The following HGF variants were observed in gnomAD, a reference collection of about 807,000 sequenced individuals.
HGF encodes the protein hepatocyte growth factor.
In HGF, 39 loss-of-function variants were observed where a neutral mutation model predicts 111.6. That is an observed-to-expected ratio of 0.35 (90% CI 0.27 to 0.46). The LOEUF is 0.46. Ranked by LOEUF, HGF falls within the 20% of genes least tolerant of loss-of-function variation. The pLI is 1.00. For synonymous variants in HGF, 285 were observed against 294.8 expected, an observed-to-expected ratio of 0.97 and a Z score of 0.34; for missense variants, 735 against 910.5, an observed-to-expected ratio of 0.81 and a Z score of 2.48.
intron 9 of HGF, among the ~76,000 whole-genome samples, chr7:81,721,798 G>C (rs1789871209): frequency 6.6e-6 from 1 of 152,166 alleles, no homozygotes; most frequent in Non-Finnish European, 1.5e-5. Flanking sequence ...TGGTGCAAAG[G>C]AAAAACTCCT....
At position 81,722,205 on chromosome 7, in the gene HGF, C is replaced by G. The variant is rs369948592; in HGVS notation, c.1169-1358G>C. On this transcript the variant is annotated intron_variant, in intron 9 of 17. Coordinates refer to ENST00000222390, the MANE Select transcript of HGF (RefSeq NM_000601.6). The stretch of plus-strand genomic sequence containing the variant: ...CAATGGAAGCCACTTTAAACTGACT[C>G]CTGGGTCTCTTACTATGCTCCATGA... 8.6e-5 allele frequency among the ~76,000 whole-genome samples: 13 copies of G among 151,972 alleles called. 1 individual carries two copies. The East Asian group carries it at 1.6e-3, about 18-fold the overall frequency.
At chr7:81,726,288 A>G (rs150267117) in intron 8 of HGF, among the ~76,000 whole-genome samples, 1 of 152,244 alleles carries the variant, frequency 6.6e-6, no homozygotes, top group Admixed American at 6.5e-5. Context: ...AAAGAGAGAA[A>G]CGGTACCGCT....
At chr7:81,713,463 T>A (rs868278547) in intron 11 of HGF, among the ~76,000 whole-genome samples, 4 of 151,948 alleles carry the variant, frequency 2.6e-5, no homozygotes, top group Middle Eastern at 3.4e-3. Flanking sequence ...GAGGCAGAGT[T>A]TGCAGTGAGC....
rs779675824 is a variant in HGF at position 81,755,945 on chromosome 7, T to C, written c.482+1244A>G. ...CCAGTGTGGAGCAACAAACTCTTTT[T>C]CTTTCTGTGTTGGTCAATAACTCAT... On this transcript the variant is annotated intron_variant, in intron 4 of 17. Coordinates refer to ENST00000222390, the MANE Select transcript of HGF (RefSeq NM_000601.6). The C allele has an allele frequency of 2.2e-5, 15 of 694,810 alleles. No individual in the cohort carries two copies. In the South Asian group the frequency reaches 2.3e-4, roughly 10 times the overall value. The allele number at this position is 694,810 out of a possible 1,614,324, so 43.0% of individuals were successfully genotyped here.
intron 8 of HGF, among the ~76,000 whole-genome samples, chr7:81,729,380 G>T (rs979614538): frequency 1.3e-5 from 2 of 152,054 alleles, no homozygotes; most frequent in African/African-American, 4.8e-5. Context: ...CTACCCTCTG[G>T]ATCTGAACCA....
At chr7:81,704,940 G>A (rs5745757) in intron 17 of HGF, among the ~76,000 whole-genome samples, 2,178 of 151,826 alleles carry the variant, frequency 0.014, 37 homozygotes, top group Non-Finnish European at 0.018. Flanking sequence ...TACACAGAGC[G>A]AGAGAGCAAA....
rs1788985100 is a variant in HGF at position 81,759,966 on chromosome 7, T to C, written c.255-1162A>G. Reference sequence around the variant, plus strand: ...AATACGCAAAAAAATGATAAATTTGTTTTTAAGTGATTCCATCTGTAAAGT... The same window carrying C: ...AATACGCAAAAAAATGATAAATTTGCTTTTAAGTGATTCCATCTGTAAAGT... On this transcript the variant is annotated intron_variant, in intron 2 of 17. Transcript: ENST00000222390. 2.0e-5 allele frequency among the ~76,000 whole-genome samples: 3 copies of C among 152,154 alleles called. 1 individual carries two copies.
intron 4 of HGF, chr7:81,756,907 G>A (rs1788798008): frequency 2.0e-6 from 1 of 487,906 alleles, no homozygotes; most frequent in Admixed American, 3.4e-5. Context: ...AAGACAGGAA[G>A]AAGAATCCTT....
intron 13 of HGF, 128 bp from the exon 14 acceptor site, chr7:81,707,492 A>T: frequency 3.0e-6 from 2 of 662,860 alleles, no homozygotes; most frequent in Admixed American, 2.4e-5. Flanking sequence ...AAATTAACCC[A>T]ACTGGAATAA....
chr7:81,767,581 A>G (rs991008458), intron 1 of HGF, among the ~76,000 whole-genome samples: 6 of 152,194 alleles, frequency 3.9e-5, no homozygotes, highest in Non-Finnish European at 7.3e-5. Flanking sequence ...AGGATTGGAT[A>G]TTTGTTTCCC....
intron 12 of HGF, 51 bp downstream of exon 12, chr7:81,711,430 A>G: frequency 9.9e-7 from 1 of 1,010,560 alleles, no homozygotes; most frequent in Non-Finnish European, 1.5e-6. Flanking sequence ...GACACTTCTG[A>G]CACACAGAGA....
At chr7:81,750,096 T>G (rs1220764020) in intron 5 of HGF, among the ~76,000 whole-genome samples, 1 of 152,164 alleles carries the variant, frequency 6.6e-6, no homozygotes, top group African/African-American at 2.4e-5. Context: ...CCCCCTTATA[T>G]GTATTTTAGA....
chr7:81,755,936 A>G, intron 4 of HGF: 1 of 691,358 alleles, frequency 1.4e-6, no homozygotes, highest in South Asian at 1.5e-5. Context: ...TGGAGCAACA[A>G]ACTCTTTTTC....
rs143262934 is a variant in HGF at position 81,707,328 on chromosome 7, C to G, written c.1578G>C (p.Glu526Asp). ...ACTGTCGTGCAGTAAGAACCCAACT[C>G]TCCTTTATCAATGATCCTCCGCAGA... is the stretch of plus-strand genomic sequence containing the variant. ...KHICGGSLIK[E>D]SWVLTARQCF... Residue 526 changes from glutamate (E) to aspartate (D), a missense_variant, in exon 14 of 18, where the codon GAG becomes GAC. By Grantham distance (45) the Glu-to-Asp change is conservative. Around this residue, in one of 3 missense-constraint regions of HGF, gnomAD observed 553 missense variants for 685.6 expected, o/e 0.81. Coordinates refer to ENST00000222390, the MANE Select transcript of HGF (RefSeq NM_000601.6). 12 of 1,603,346 alleles carry G rather than the reference C, an allele frequency of 7.5e-6. No homozygotes were observed. The highest frequency in any genetic ancestry group is 9.4e-6 in the Non-Finnish European group (11 of 1,170,884).
chr7:81,746,613 G>A (rs6467869), intron 5 of HGF, among the ~76,000 whole-genome samples: 126,079 of 152,046 alleles, frequency 0.83, 52,855 homozygotes, highest in African/African-American at 0.95. Context: ...GTATTCATAT[G>A]TACAATTTCT....
At chr7:81,714,557 C>G (rs541618403) in intron 11 of HGF, among the ~76,000 whole-genome samples, 13 of 152,142 alleles carry the variant, frequency 8.5e-5, no homozygotes, top group African/African-American at 3.1e-4. Context: ...AAGTTCTTAA[C>G]CACTACGCTC....
chr7:81,716,567 T>C (rs1013745589), intron 11 of HGF, among the ~76,000 whole-genome samples: 6 of 152,194 alleles, frequency 3.9e-5, no homozygotes, highest in African/African-American at 1.4e-4. Flanking sequence ...ATTTATTTTC[T>C]ACTTTTTTCT....
At chr7:81,728,759 G>T (rs5745695) in intron 8 of HGF, among the ~76,000 whole-genome samples, 1 of 152,058 alleles carries the variant, frequency 6.6e-6, no homozygotes, top group East Asian at 1.9e-4. Flanking sequence ...GGGCCAACTA[G>T]TGCTCATAGC....
At chr7:81,760,676 CGTGCGTGTGTGTGTGT>C (rs1457648806) in intron 2 of HGF, among the ~76,000 whole-genome samples, 7 of 89,738 alleles carry the variant, frequency 7.8e-5, no homozygotes, top group African/African-American at 3.1e-4. Flanking sequence ...TGTCTATGTG[CGTGCGTGTGTGTGTGT>C]GTGTGTGTGT....
Sources: allele counts gnomAD v4.1 joint callset (sites outside exome capture counted in the v4.1 genomes callset), GRCh38; gene constraint gnomAD v4.1.1; regional missense constraint gnomAD v4.1.1; transcripts MANE v1.5; gene names NCBI Gene and HGNC (gene_info 2026-07-23, HGNC 2026-07-21).